Variants in DPEP3 observed in about 807,000 individuals in gnomAD.
DPEP3 encodes the protein dipeptidase 3.
A neutral mutation model predicts 47.5 loss-of-function variants in DPEP3; 42 were observed. The ratio of observed to expected loss-of-function variants is 0.88; its 90% CI spans 0.69 to 1.14. The LOEUF (loss-of-function observed/expected upper bound fraction) is 1.14, where lower values mean the gene tolerates loss of function less well. DPEP3 is among the 50% of genes most tolerant of loss of function. DPEP3 has a pLI of 0.00. For missense variants in DPEP3, 560 were observed against 635.0 expected (o/e 0.88, Z 1.27); for synonymous variants, 276 against 270.2 (o/e 1.02, Z -0.21).
chr16:67,976,664 A>G, intron 8 of DPEP3, 36 bp downstream of exon 8: 2 of 1,602,984 alleles, frequency 1.2e-6, no homozygotes, highest in South Asian at 1.1e-5. Context: ...TCCCTGCTGC[A>G]CCCCAGCCTA....
rs778129361 is a variant in DPEP3 at position 67,980,480 on chromosome 16, G to T, written c.-100C>A. The T allele has an allele frequency of 1.8e-5, 26 of 1,433,848 alleles. No homozygotes were observed. The highest frequency in any genetic ancestry group is 2.3e-5 in the Non-Finnish European group (25 of 1,094,048). The allele number at this position is 1,433,848 out of a possible 1,614,324, so 88.8% of individuals were successfully genotyped here. A position where few individuals can be genotyped will look rare whatever the true frequency, so the allele number is the denominator to read the frequency against. ...TGACGACCCAGCCTCCCGAAGAGGG[G>T]GTTGAAGTCACGCGACTCTGAGACC... On this transcript the variant is annotated 5_prime_UTR_variant, in exon 1 of 10. Transcript: ENST00000268793.
intron 8 of DPEP3, 115 bp downstream of exon 8, chr16:67,976,585 T>C: frequency 2.1e-6 from 2 of 974,840 alleles, no homozygotes; most frequent in Non-Finnish European, 3.1e-6. Flanking sequence ...TCAGGTGGGA[T>C]AGGAGACCAG....
At chr16:67,977,502 G>C (rs2031222721) in intron 6 of DPEP3, 148 bp from the exon 7 acceptor site, 1 of 1,280,308 alleles carries the variant, frequency 7.8e-7, no homozygotes, top group African/African-American at 1.5e-5. Flanking sequence ...TCCCTGAGTG[G>C]AAATTACTTG....
At position 67,980,337 on chromosome 16, in the gene DPEP3, C is replaced by G. The variant is rs574371075; in HGVS notation, c.44G>C (p.Arg15Pro). ...GREGSRALSR[R>P]YLRRLLLLLL... ...CAGGAGCAGCAGACGCCGCAGATAC[C>G]GCCGGCTGAGCGCGCGGGAACCCTC... Residue 15 changes from arginine to proline, a missense_variant, in exon 1 of 10, where the codon CGG (arginine) becomes CCG (proline). Transcript: ENST00000268793. 2 of 1,551,808 alleles carry G rather than the reference C, an allele frequency of 1.3e-6. No individual in the cohort carries two copies. The highest frequency in any genetic ancestry group is 1.4e-5 in the African/African-American group (1 of 73,196).
rs761485750 is a variant in DPEP3 at position 67,977,245 on chromosome 16, T to C, written c.1018+25A>G. On this transcript the variant is annotated intron_variant, in intron 7 of 9. Transcript: ENST00000268793. ...TGGCAGCCACAGCCCAAGCCAGCAC[T>C]GCACAAAGCTGAGGTGGGACTTACC... 2.5e-6 allele frequency: 4 copies of C among 1,611,130 alleles called. No individual in the cohort carries two copies. The East Asian group carries it at 8.9e-5, about 36-fold the overall frequency.
chr16:67,975,941 T>G lies in DPEP3; in HGVS notation c.1291A>C (p.Ser431Arg). ...ACGAGGTGGGAGTGGCAGGATGTGC[T>G]CAGTTGCCCATATGGAAACTCAGCC... is the stretch of plus-strand genomic sequence containing the variant. ...VEAEFPYGQLSTSCHSHLVPQ... is the reference protein window; with the variant it reads ...VEAEFPYGQLRTSCHSHLVPQ... The change falls in exon 10 of 10, where the codon AGC becomes CGC. Residue 431 changes from serine to arginine, a missense_variant. Ser to Arg is a moderately radical substitution (Grantham distance 110). Coordinates refer to ENST00000268793, the MANE Select transcript of DPEP3 (RefSeq NM_001370198.1). 1 of 1,613,958 alleles carries G rather than the reference T, an allele frequency of 6.2e-7. No individual in the cohort carries two copies.
chr16:67,979,599 C>T, intron 2 of DPEP3, 40 bp downstream of exon 2: 1 of 1,609,466 alleles, frequency 6.2e-7, no homozygotes. Flanking sequence ...CAACATCCCC[C>T]AGCAGCCATG....
Position 67,980,182 on chromosome 16 carries a change from G to A in DPEP3, c.199C>T (p.Pro67Ser). 1.2e-6 allele frequency: 2 copies of A among 1,611,714 alleles called. No homozygotes were observed. The highest frequency in any genetic ancestry group is 1.7e-6 in the Non-Finnish European group (2 of 1,178,928). ...GGGGTGCCTGGCGTAGTGAGGCCTGGGGTAGTGAGGGCGCTGGGGACACCC... is the reference window on the plus strand; with the variant it reads ...GGGGTGCCTGGCGTAGTGAGGCCTGAGGTAGTGAGGGCGCTGGGGACACCC... Reference protein sequence around the residue: ...TPGVPSALTTPGLTTPGTPKT... With the variant: ...TPGVPSALTTSGLTTPGTPKT... The change falls in exon 1 of 10, where the codon CCA (proline) becomes TCA (serine). Residue 67 changes from proline to serine, a missense_variant. Transcript: ENST00000268793.
intron 2 of DPEP3, among the ~76,000 whole-genome samples, chr16:67,979,203 G>C (rs1237241779): frequency 1.3e-5 from 2 of 152,202 alleles, no homozygotes; most frequent in East Asian, 3.8e-4. Context: ...TACTCAGGAG[G>C]CTGAGGCAGG....
intron 1 of DPEP3, among the ~76,000 whole-genome samples, 152 bp downstream of exon 1, chr16:67,979,942 G>T: frequency 6.6e-6 from 1 of 152,120 alleles, no homozygotes; most frequent in Admixed American, 6.6e-5. Flanking sequence ...AGTAATGCGG[G>T]GAAGGGCACC....
In DPEP3 at chr16:67,980,369, C is replaced by G; in HGVS notation, c.12G>C (p.Thr4=). MQP[T]GREGSRALSR... ...TGAGCGCGCGGGAACCCTCGCGGCC[C>G]GTGGGCTGCATGTTGCGCGGGGGTC... The change falls in exon 1 of 10, where the codon ACG becomes ACC. Residue 4 remains threonine (T), a synonymous_variant. Coordinates refer to ENST00000268793, the MANE Select transcript of DPEP3 (RefSeq NM_001370198.1). The G allele has an allele frequency of 3.2e-6, 5 of 1,539,656 alleles. No homozygotes were observed. Among genetic ancestry groups the G allele is most frequent in the Non-Finnish European group, 4.4e-6 (5 of 1,142,704 alleles).
chr16:67,978,108 T>G lies in DPEP3; in HGVS notation c.687-101A>C. The G allele has an allele frequency of 1.3e-6, 2 of 1,574,270 alleles. No individual in the cohort carries two copies. Among genetic ancestry groups the G allele is most frequent in the Non-Finnish European group, 1.7e-6 (2 of 1,147,198 alleles). On this transcript the variant is annotated intron_variant, in intron 4 of 9. Coordinates refer to ENST00000268793, the MANE Select transcript of DPEP3 (RefSeq NM_001370198.1). The surrounding 1 kb of genome is among the most constrained non-coding windows in gnomAD (Gnocchi z 4.4). ...CCATCCATCCTGCTTCCAGAACAGG[T>G]GCAGAACCAGCTGCTTTCTGGGATT... is the stretch of plus-strand genomic sequence containing the variant.
chr16:67,979,820 C>A, intron 1 of DPEP3, 55 bp from the exon 2 acceptor site: 1 of 1,603,834 alleles, frequency 6.2e-7, no homozygotes. Flanking sequence ...CAGGATATAT[C>A]AGGTGCTTGG....
Position 67,977,749 on chromosome 16 carries a change from C to T in DPEP3, c.837G>A (p.Leu279=). 2 of 1,613,714 alleles carry T rather than the reference C, an allele frequency of 1.2e-6. No homozygotes were observed. Among genetic ancestry groups the T allele is most frequent in the Non-Finnish European group, 1.7e-6 (2 of 1,179,756 alleles). The part of the protein sequence containing the change: ...YASDTLIRRV[L]EVSQAPVIFS... ...AGATCACAGGAGCCTGAGACACTTC[C>T]AGGACCCTTCTTATCAAGGTGTCCG... The change falls in exon 6 of 10, where the codon CTG becomes CTA. Residue 279 remains leucine (L), a synonymous_variant. Coordinates refer to ENST00000268793, the MANE Select transcript of DPEP3 (RefSeq NM_001370198.1).
Position 67,980,258 on chromosome 16 carries a change from G to A in DPEP3, c.123C>T (p.Gly41=). The part of the protein sequence containing the change: ...QPVTRAETTP[G]APRALSTLGS... ...CCAGCGTGGAGAGGGCTCTGGGGGC[G>A]CCCGGCGTGGTCTCCGCGCGGGTTA... The change falls in exon 1 of 10, where the codon GGC becomes GGT. Residue 41 remains glycine (G), a synonymous_variant. Transcript: ENST00000268793. The A allele has an allele frequency of 1.2e-6, 2 of 1,600,108 alleles. No homozygotes were observed. The highest frequency in any genetic ancestry group is 8.5e-7 in the Non-Finnish European group (1 of 1,174,606).
chr16:67,976,337 C>T (rs561414356), intron 8 of DPEP3, 109 bp from the exon 9 acceptor site: 30 of 1,470,608 alleles, frequency 2.0e-5, no homozygotes, highest in African/African-American at 1.8e-4. Flanking sequence ...CCAAGTTCTT[C>T]AGGCTAGTGA....
Position 67,977,802 on chromosome 16 carries a change from C to T in DPEP3, c.784G>A (p.Gly262Ser), listed in dbSNP as rs763559134. ...GCATAGGACAAATCTATCATCATGC[C>T]CAGGCGGTTCAACTCCTCTACTACT... ...EKVVEELNRL[G>S]MMIDLSYASD... The change falls in exon 6 of 10, where the codon GGC (glycine) becomes AGC (serine). Residue 262 changes from glycine (G) to serine (S), a missense_variant. Gly to Ser is a moderately conservative substitution (Grantham distance 56). Transcript: ENST00000268793. The T allele has an allele frequency of 1.2e-6, 2 of 1,613,776 alleles. No individual in the cohort carries two copies. The highest frequency in any genetic ancestry group is 1.3e-5 in the African/African-American group (1 of 74,896).
chr16:67,976,610 G>C, intron 8 of DPEP3, 90 bp downstream of exon 8: 1 of 1,246,862 alleles, frequency 8.0e-7, no homozygotes, highest in Non-Finnish European at 1.1e-6. Flanking sequence ...TGTGGCTGAG[G>C]CCTGGATGGG....
At chr16:67,977,584 G>A in intron 6 of DPEP3, 69 bp downstream of exon 6, 2 of 1,521,672 alleles carry the variant, frequency 1.3e-6, no homozygotes, top group Non-Finnish European at 1.8e-6. Flanking sequence ...TGGGCTGGTG[G>A]CTTTGTGCTC....
Sources: allele counts gnomAD v4.1 joint callset (sites outside exome capture counted in the v4.1 genomes callset), GRCh38; gene constraint gnomAD v4.1.1; non-coding constraint Gnocchi (gnomAD v3.1); transcripts MANE v1.5; gene names NCBI Gene and HGNC (gene_info 2026-07-23, HGNC 2026-07-21).